The following CEP128 variants were observed in gnomAD, a reference collection of about 807,000 sequenced individuals.
CEP128 encodes centrosomal protein 128, also known as centrosomal protein 128kDa.
CEP128 carries 132 observed loss-of-function variants against 156.7 expected under a neutral mutation model. That is an observed-to-expected ratio of 0.84 (90% CI 0.73 to 0.97). The LOEUF (loss-of-function observed/expected upper bound fraction) is 0.97. Among genes scored for constraint, CEP128 ranks in the 50% least tolerant of loss-of-function variants. The probability of loss-of-function intolerance (pLI) is 0.00; values close to 1 mark genes in which losing one functional copy is unlikely to be tolerated. For missense variants in CEP128, 1,252 were observed against 1,281.9 expected (o/e 0.98, Z 0.36); for synonymous variants, 469 against 448.9 (o/e 1.04, Z -0.57).
chr14:80,725,430 G>A (rs991489228), intron 19 of CEP128, among the ~76,000 whole-genome samples: 9 of 151,890 alleles, frequency 5.9e-5, no homozygotes, highest in Admixed American at 2.0e-4. Flanking sequence ...TGATCTGCCC[G>A]CCTCAGCCTC....
intron 19 of CEP128, among the ~76,000 whole-genome samples, chr14:80,657,271 A>T (rs1488148819): frequency 4.6e-5 from 7 of 151,724 alleles, no homozygotes; most frequent in African/African-American, 7.3e-5. Flanking sequence ...AAAAAAATTT[A>T]AAAAAAATGG....
intron 19 of CEP128, among the ~76,000 whole-genome samples, chr14:80,609,949 C>A (rs1463783498): frequency 6.6e-6 from 1 of 151,992 alleles, no homozygotes; most frequent in African/African-American, 2.4e-5. Flanking sequence ...CTCTCAGGTA[C>A]CCTCAAGAGT....
intron 19 of CEP128, among the ~76,000 whole-genome samples, chr14:80,693,122 A>C (rs917789608): frequency 6.6e-6 from 1 of 152,198 alleles, no homozygotes; most frequent in Admixed American, 6.5e-5. Context: ...TGGAAGTATC[A>C]GTGGCTTTGA....
At chr14:80,862,539 G>C (rs1011353987) in intron 9 of CEP128, among the ~76,000 whole-genome samples, 2 of 152,042 alleles carry the variant, frequency 1.3e-5, no homozygotes, top group East Asian at 1.9e-4. Flanking sequence ...CAAAACTAGC[G>C]CCTAGAGAAG....
intron 19 of CEP128, among the ~76,000 whole-genome samples, chr14:80,716,821 G>C (rs1419426518): frequency 6.6e-6 from 1 of 152,180 alleles, no homozygotes; most frequent in Non-Finnish European, 1.5e-5. Flanking sequence ...GTTTTCCAAA[G>C]TGGCTGCACC....
chr14:80,506,639 T>C (rs1887988949), intron 23 of CEP128, among the ~76,000 whole-genome samples: 1 of 152,142 alleles, frequency 6.6e-6, no homozygotes, highest in Non-Finnish European at 1.5e-5. Context: ...TCGTGTAACA[T>C]GACCATCTGA....
Position 80,793,121 on chromosome 14 carries a change from A to G in CEP128, c.1210-11T>C. The G allele has an allele frequency of 1.3e-6, 2 of 1,598,806 alleles. No individual in the cohort carries two copies. The highest frequency in any genetic ancestry group is 2.2e-5 in the South Asian group (2 of 90,206). ...TTCACGTGTTAAATTCTACGAATAA[A>G]GCATGCAAAACATTAGGAACAAATC... On this transcript the variant is annotated splice_polypyrimidine_tract_variant and intron_variant, in intron 13 of 24. Transcript: ENST00000555265.
chr14:80,675,903 T>A (rs2140946055), intron 19 of CEP128, among the ~76,000 whole-genome samples: 1 of 152,236 alleles, frequency 6.6e-6, no homozygotes, highest in East Asian at 1.9e-4. Context: ...GTTGCCAGGA[T>A]TGTTACTGAA....
At chr14:80,875,257 G>C (rs928014363) in intron 8 of CEP128, among the ~76,000 whole-genome samples, 23 of 152,202 alleles carry the variant, frequency 1.5e-4, no homozygotes, top group Non-Finnish European at 3.4e-4. Context: ...CAGTACCAAA[G>C]TTTATTAAGT....
intron 19 of CEP128, among the ~76,000 whole-genome samples, chr14:80,597,013 TA>T (rs35774503): frequency 0.32 from 46,080 of 146,276 alleles, 7,446 homozygotes; most frequent in East Asian, 0.41. Context: ...TCAAGAACCT[TA>T]AAAAAAAACA....
At chr14:80,878,745 C>G (rs965345949) in intron 8 of CEP128, among the ~76,000 whole-genome samples, 1 of 152,162 alleles carries the variant, frequency 6.6e-6, no homozygotes, top group Admixed American at 6.5e-5. Context: ...GAGCAACAAA[C>G]CTTAGCTTAC....
At chr14:80,576,829 CATTT>C (rs1891382262) in intron 20 of CEP128, among the ~76,000 whole-genome samples, 1 of 152,074 alleles carries the variant, frequency 6.6e-6, no homozygotes, top group Non-Finnish European at 1.5e-5. Context: ...AGTAGGGTGG[CATTT>C]GTTTGTTTAT....
rs192928325 is a variant in CEP128, at chr14:80,929,918, G to A, written c.-16+9467C>T. On this transcript the variant is annotated intron_variant, in intron 2 of 24. Coordinates refer to ENST00000555265, the MANE Select transcript of CEP128 (RefSeq NM_152446.5). Reference sequence around the variant, plus strand: ...CAGTCCGTGGCCTGTTAGGAACCGGGATGCAGAGCAGCAGGTGAACAGCGG... The same window carrying A: ...CAGTCCGTGGCCTGTTAGGAACCGGAATGCAGAGCAGCAGGTGAACAGCGG... 4.9e-4 allele frequency among the ~76,000 whole-genome samples: 75 copies of A among 152,340 alleles called. No homozygotes were observed. The East Asian group carries it at 0.012, about 24-fold the overall frequency.
At chr14:80,720,061 G>T (rs1037853667) in intron 19 of CEP128, among the ~76,000 whole-genome samples, 1 of 152,110 alleles carries the variant, frequency 6.6e-6, no homozygotes, top group African/African-American at 2.4e-5. Flanking sequence ...TTTCAACTGA[G>T]ACCTAAAGGA....
intron 19 of CEP128, among the ~76,000 whole-genome samples, chr14:80,739,438 C>A (rs1324515275): frequency 6.6e-6 from 1 of 152,146 alleles, no homozygotes; most frequent in African/African-American, 2.4e-5. Context: ...ACCTCATCCA[C>A]CCGTATCTTC....
At chr14:80,527,488 TA>T (rs35451833) in intron 22 of CEP128, among the ~76,000 whole-genome samples, 1 of 149,674 alleles carries the variant, frequency 6.7e-6, no homozygotes. Context: ...GATAAAACCA[TA>T]AAAATACAAT....
chr14:80,947,004 T>G (rs1337320387), intron 2 of CEP128, among the ~76,000 whole-genome samples: 1 of 152,158 alleles, frequency 6.6e-6, no homozygotes, highest in Non-Finnish European at 1.5e-5. Context: ...CTCTGCCATG[T>G]GAAAAAGGTG....
At chr14:80,547,232 G>A (rs897008998) in intron 21 of CEP128, among the ~76,000 whole-genome samples, 3 of 152,122 alleles carry the variant, frequency 2.0e-5, no homozygotes, top group African/African-American at 4.8e-5. Flanking sequence ...AGTGAGCTTA[G>A]GGCATATTAT....
intron 23 of CEP128, among the ~76,000 whole-genome samples, chr14:80,513,695 A>G (rs1888362075): frequency 1.3e-5 from 2 of 152,194 alleles, no homozygotes; most frequent in South Asian, 4.1e-4. Flanking sequence ...CCTACAAACT[A>G]TACATTCTCA....
Sources: allele counts gnomAD v4.1 joint callset (sites outside exome capture counted in the v4.1 genomes callset), GRCh38; gene constraint gnomAD v4.1.1; transcripts MANE v1.5; gene names NCBI Gene and HGNC (gene_info 2026-07-23, HGNC 2026-07-21).